Variants in PRDM5 observed in about 807,000 individuals in gnomAD.
PRDM5 encodes the protein PR domain zinc finger protein 5.
PRDM5 carries 56 observed loss-of-function variants against 81.2 expected under a neutral mutation model. That is an observed-to-expected ratio of 0.69 (90% CI 0.56 to 0.86). The LOEUF is 0.86. Among genes scored for constraint, PRDM5 ranks in the 40% least tolerant of loss-of-function variants. The pLI is 0.00. For missense variants in PRDM5, 697 were observed against 770.1 expected (o/e 0.91, Z 1.12); for synonymous variants, 267 against 256.4 (o/e 1.04, Z -0.39).
chr4:120,850,864 A>G (rs1234329697), intron 3 of PRDM5, among the ~76,000 whole-genome samples: 1 of 152,164 alleles, frequency 6.6e-6, no homozygotes, highest in Admixed American at 6.6e-5. Flanking sequence ...GAACATGAAA[A>G]CTGTAAGTCT....
chr4:120,742,720 G>C (rs1284801624), intron 14 of PRDM5, among the ~76,000 whole-genome samples: 2 of 152,102 alleles, frequency 1.3e-5, no homozygotes, highest in East Asian at 1.9e-4. Flanking sequence ...GAGAAGGAAA[G>C]TTTAGAGAAA....
At chr4:120,735,352 C>T (rs1051746573) in intron 14 of PRDM5, among the ~76,000 whole-genome samples, 1 of 152,128 alleles carries the variant, frequency 6.6e-6, no homozygotes, top group Admixed American at 6.6e-5. Flanking sequence ...TCAAATGAAA[C>T]TCTGTCTAAA....
chr4:120,815,772 G>A (rs1268706301), intron 7 of PRDM5, among the ~76,000 whole-genome samples: 1 of 152,112 alleles, frequency 6.6e-6, no homozygotes, highest in Non-Finnish European at 1.5e-5. Flanking sequence ...GTCTTTGGAG[G>A]TAAAAAGACA....
At chr4:120,787,706 T>C (rs986427222) in intron 10 of PRDM5, among the ~76,000 whole-genome samples, 1 of 152,164 alleles carries the variant, frequency 6.6e-6, no homozygotes, top group Non-Finnish European at 1.5e-5. Context: ...ATCTGAGCAA[T>C]GCAATGATGG....
intron 2 of PRDM5, among the ~76,000 whole-genome samples, chr4:120,868,068 CT>C: frequency 6.6e-6 from 1 of 150,378 alleles, no homozygotes; most frequent in East Asian, 2.8e-4. Flanking sequence ...CTTACTGACT[CT>C]AACATCTACT....
chr4:120,817,991 G>A (rs150920543), intron 5 of PRDM5, among the ~76,000 whole-genome samples: 10 of 152,166 alleles, frequency 6.6e-5, no homozygotes, highest in Admixed American at 2.6e-4. Context: ...AATATAAAAC[G>A]TAGACAACTA....
At chr4:120,863,191 T>TATATATACACACACACACAC (rs1553997193) in intron 2 of PRDM5, among the ~76,000 whole-genome samples, 20 of 70,322 alleles carry the variant, frequency 2.8e-4, no homozygotes, top group Admixed American at 1.3e-3. Flanking sequence ...TATATATATA[T>TATATATACACACACACACAC]ACACACACAC....
rs147659476 is a variant in PRDM5, at chr4:120,723,597, A to G, written c.1624-13184T>C. Among the ~76,000 whole-genome samples, 52 of 152,266 alleles carry G rather than the reference A, an allele frequency of 3.4e-4. No homozygotes were observed. In the East Asian group the frequency reaches 8.7e-3, roughly 25 times the overall value. ...GAAAAATCAATGCAAATTGTAAAGAAAATATAAGGAAGTACAAATGAAAGA... is the reference window on the plus strand; with the variant it reads ...GAAAAATCAATGCAAATTGTAAAGAGAATATAAGGAAGTACAAATGAAAGA... On this transcript the variant is annotated intron_variant, in intron 14 of 15. Coordinates refer to ENST00000264808, the MANE Select transcript of PRDM5 (RefSeq NM_018699.4).
chr4:120,724,221 T>C (rs1199936414), intron 14 of PRDM5, among the ~76,000 whole-genome samples: 1 of 152,022 alleles, frequency 6.6e-6, no homozygotes, highest in Non-Finnish European at 1.5e-5. Context: ...TCAGCAAAAG[T>C]CTCCATGCGG....
intron 4 of PRDM5, among the ~76,000 whole-genome samples, chr4:120,819,479 C>A (rs570310952): frequency 1.3e-5 from 2 of 151,910 alleles, no homozygotes; most frequent in South Asian, 4.2e-4. Flanking sequence ...ATGTAACAAA[C>A]CTGCACATTG....
At chr4:120,843,244 G>A (rs1198228006) in intron 3 of PRDM5, among the ~76,000 whole-genome samples, 1 of 152,178 alleles carries the variant, frequency 6.6e-6, no homozygotes, top group East Asian at 1.9e-4. Context: ...TGAGGCAGGA[G>A]AATAGCTTGA....
chr4:120,921,272 T>C (rs968364197), intron 1 of PRDM5, among the ~76,000 whole-genome samples: 1 of 152,254 alleles, frequency 6.6e-6, no homozygotes. Flanking sequence ...TCAAAAAATG[T>C]TGATTTTAAC....
chr4:120,874,976 A>C (rs960018802), intron 2 of PRDM5, among the ~76,000 whole-genome samples: 4 of 152,182 alleles, frequency 2.6e-5, no homozygotes, highest in Non-Finnish European at 4.4e-5. Context: ...CCAGCTGCAT[A>C]ATCACCTGGC....
chr4:120,747,481 G>A (rs1282050036), intron 14 of PRDM5, among the ~76,000 whole-genome samples: 1 of 151,488 alleles, frequency 6.6e-6, no homozygotes, highest in Admixed American at 6.6e-5. Context: ...ATTTTTGGGG[G>A]GATAATTTTC....
chr4:120,794,752 T>C (rs1336863610), intron 10 of PRDM5, among the ~76,000 whole-genome samples: 1 of 151,990 alleles, frequency 6.6e-6, no homozygotes, highest in African/African-American at 2.4e-5. Context: ...GCCTCCTGAG[T>C]AGCTGGGACT....
chr4:120,843,069 C>T (rs1251214367), intron 3 of PRDM5, among the ~76,000 whole-genome samples: 2 of 152,162 alleles, frequency 1.3e-5, no homozygotes, highest in African/African-American at 4.8e-5. Flanking sequence ...TGGTGGCTCA[C>T]ACCTATAATC....
intron 14 of PRDM5, among the ~76,000 whole-genome samples, chr4:120,726,998 G>T (rs1451128604): frequency 6.6e-6 from 1 of 152,172 alleles, no homozygotes; most frequent in African/African-American, 2.4e-5. Context: ...ATTTCTTGGT[G>T]ATAAACTGTC....
At chr4:120,831,667 G>A (rs1756731036) in intron 3 of PRDM5, among the ~76,000 whole-genome samples, 1 of 148,410 alleles carries the variant, frequency 6.7e-6, no homozygotes, top group African/African-American at 2.5e-5. Flanking sequence ...AGGATGCTTT[G>A]CAAGAGTCTA....
chr4:120,831,682 T>C (rs1455248979), intron 3 of PRDM5, among the ~76,000 whole-genome samples: 1 of 128,722 alleles, frequency 7.8e-6, no homozygotes, highest in Non-Finnish European at 1.7e-5. Flanking sequence ...AGTCTACTTA[T>C]ACTACTTATA....
Sources: allele counts gnomAD v4.1 joint callset (sites outside exome capture counted in the v4.1 genomes callset), GRCh38; gene constraint gnomAD v4.1.1; transcripts MANE v1.5; gene names NCBI Gene and HGNC (gene_info 2026-07-23, HGNC 2026-07-21).